PMS2: variants seen among roughly 807,000 people sequenced by gnomAD.
PMS2 encodes PMS1 homolog 2, mismatch repair system component.
Under a neutral mutation model 90.0 loss-of-function variants are expected in PMS2, and 69 were observed. The observed-to-expected ratio is 0.77, with a 90% CI of 0.63 to 0.94. The LOEUF (loss-of-function observed/expected upper bound fraction) is 0.94, where lower values mean the gene tolerates loss of function less well. Among genes scored for constraint, PMS2 ranks in the 40% least tolerant of loss-of-function variants. The pLI is 0.00. For missense variants in PMS2, 966 were observed against 1,040.2 expected, an observed-to-expected ratio of 0.93 and a Z score of 0.98; for synonymous variants, 332 against 375.1, an observed-to-expected ratio of 0.89 and a Z score of 1.33.
intron 5 of PMS2, among the ~76,000 whole-genome samples, chr7:6,000,451 A>G (rs1324891324): frequency 2.0e-5 from 3 of 151,784 alleles, no homozygotes; most frequent in East Asian, 3.8e-4. Context: ...TGTACATTCT[A>G]TATTACTTGC....
chr7:5,986,512 T>C (rs1171486684), intron 11 of PMS2, among the ~76,000 whole-genome samples: 3 of 152,050 alleles, frequency 2.0e-5, no homozygotes, highest in African/African-American at 7.2e-5. Context: ...GCCAACATGG[T>C]GAAACCCTGT....
intron 1 of PMS2, among the ~76,000 whole-genome samples, chr7:6,008,363 C>G (rs1196721769): frequency 6.6e-6 from 1 of 152,184 alleles, no homozygotes; most frequent in African/African-American, 2.4e-5. Context: ...ATCACACATC[C>G]TAACAGGTAG....
At chr7:5,978,831 G>C in intron 12 of PMS2, 135 bp from the exon 13 acceptor site, 1 of 1,131,852 alleles carries the variant, frequency 8.8e-7, no homozygotes, top group Non-Finnish European at 1.3e-6. Context: ...ACACTACTCA[G>C]CTAAGTGTCA....
intron 12 of PMS2, among the ~76,000 whole-genome samples, chr7:5,981,316 A>G (rs1207510647): frequency 2.0e-5 from 3 of 149,396 alleles, no homozygotes; most frequent in Non-Finnish European, 4.5e-5. Context: ...CAGTGGCACG[A>G]TCATGGCAGC....
At chr7:6,003,813 A>C in intron 3 of PMS2, 21 bp from the exon 4 acceptor site, 1 of 1,496,736 alleles carries the variant, frequency 6.7e-7, no homozygotes, top group Non-Finnish European at 9.3e-7. Flanking sequence ...GTGTAAAGTA[A>C]GGACTAAGAT....
chr7:5,979,626 G>C lies in PMS2; in HGVS notation c.2175-930C>G, dbSNP rs1329337065. On this transcript the variant is annotated intron_variant, in intron 12 of 14. Transcript: ENST00000265849. Reference sequence around the variant, plus strand: ...TGCTATCCTGTTCCTTCCTCTGCCTGTATTATATCTCCATCCCTCTCTCCT... The same window carrying C: ...TGCTATCCTGTTCCTTCCTCTGCCTCTATTATATCTCCATCCCTCTCTCCT... 1.4e-5 allele frequency among the ~76,000 whole-genome samples: 2 copies of C among 145,004 alleles called. 1 individual carries two copies. Among genetic ancestry groups the C allele is most frequent in the African/African-American group, 5.1e-5 (2 of 39,478 alleles).
intron 7 of PMS2, among the ~76,000 whole-genome samples, chr7:5,996,590 A>AAAAAT (rs56858711): frequency 0.028 from 3,118 of 109,502 alleles, 59 homozygotes; most frequent in Non-Finnish European, 0.039. Flanking sequence ...AAAAAAAAAA[A>AAAAAT]ATATATATAT....
chr7:5,989,454 G>A (rs1783468663), intron 10 of PMS2, among the ~76,000 whole-genome samples: 1 of 151,610 alleles, frequency 6.6e-6, no homozygotes, highest in Non-Finnish European at 1.5e-5. Flanking sequence ...ACATGACAAG[G>A]GAGTTAAAAA....
At position 5,982,944 on chromosome 7, in the gene PMS2, C is replaced by T. The variant is rs1554295923; in HGVS notation, c.2054G>A (p.Gly685Glu). The T allele has an allele frequency of 6.3e-7, 1 of 1,586,914 alleles. No homozygotes were observed. The highest frequency in any genetic ancestry group is 8.6e-7 in the Non-Finnish European group (1 of 1,162,362). ...CTCATTCAGTTTGGTTATTATAAAT[C>T]CCAGGTTAAACTGACCAATGATTTC... Reference protein sequence around the residue: ...EMEIIGQFNLGFIITKLNEDI... With the variant: ...EMEIIGQFNLEFIITKLNEDI... Residue 685 changes from glycine to glutamate, a missense_variant, in exon 12 of 15, where the codon GGA becomes GAA. Gly to Glu is a moderately conservative substitution (Grantham distance 98). This residue lies in a region of PMS2 where 95 missense variants were observed against 237.8 expected (regional missense o/e 0.40). Transcript: ENST00000265849.
chr7:5,993,092 T>C (rs1413546585), intron 8 of PMS2, among the ~76,000 whole-genome samples: 1 of 152,014 alleles, frequency 6.6e-6, no homozygotes, highest in African/African-American at 2.4e-5. Flanking sequence ...AAACAGGGGC[T>C]GGGAGCGGTG....
intron 11 of PMS2, among the ~76,000 whole-genome samples, chr7:5,985,983 G>A (rs879289722): frequency 2.1e-4 from 23 of 107,730 alleles, no homozygotes; most frequent in Non-Finnish European, 4.4e-4. Context: ...AACTCCTGCC[G>A]CACAGGAGGG....
At chr7:6,008,857 T>C in intron 1 of PMS2, 140 bp downstream of exon 1, 1 of 1,032,894 alleles carries the variant, frequency 9.7e-7, no homozygotes, top group Non-Finnish European at 1.5e-6. Flanking sequence ...AACACTGAGG[T>C]CGCCACTCCG....
At position 6,002,553 on chromosome 7, in the gene PMS2, T is replaced by C; in HGVS notation, c.437A>G (p.Lys146Arg). 1 of 1,611,912 alleles carries C rather than the reference T, an allele frequency of 6.2e-7. No homozygotes were observed. The highest frequency in any genetic ancestry group is 1.1e-5 in the South Asian group (1 of 90,980). The change falls in exon 5 of 15, where the codon AAA becomes AGA. Residue 146 changes from lysine (K) to arginine (R), a missense_variant. By Grantham distance (26) the Lys-to-Arg change is conservative. Around this residue, in one of 2 missense-constraint regions of PMS2, gnomAD observed 871 missense variants for 802.4 expected, o/e 1.09. Coordinates refer to ENST00000265849, the MANE Select transcript of PMS2 (RefSeq NM_000535.7). ...MFDHNGKIIQ[K>R]TPYPRPRGTT... ...CCCTCTGGGGCGGGGGTAGGGGGTT[T>C]TCTGGATAATTTTCCCATTGTGATC...
At chr7:6,002,218 A>G in intron 5 of PMS2, 1 of 426,540 alleles carries the variant, frequency 2.3e-6, no homozygotes, top group South Asian at 2.4e-5. Context: ...AATTTTTCAT[A>G]GAGACAGGGT....
chr7:5,995,296 C>T (rs986634883), intron 8 of PMS2, among the ~76,000 whole-genome samples: 1 of 152,184 alleles, frequency 6.6e-6, no homozygotes, highest in African/African-American at 2.4e-5. Context: ...CTCGGCCTCC[C>T]AAAGTGCTGG....
rs1784767633 is a variant in PMS2 at position 5,998,988 on chromosome 7, TCA to T, written c.705+118_705+119del. ...CTGGGCAGCAGTGCGAGACTCCCTC[TCA>T]AAAAAAAAAAAAAAATCAATTCTAA... On this transcript the variant is annotated intron_variant, in intron 6 of 14. Coordinates refer to ENST00000265849, the MANE Select transcript of PMS2 (RefSeq NM_000535.7). 7.6e-5 allele frequency: 70 copies of T among 922,254 alleles called. No individual in the cohort carries two copies. The African/African-American group carries it at 1.5e-3, about 20-fold the overall frequency. The allele number at this position is 922,254 out of a possible 1,614,324, so 57.1% of individuals were successfully genotyped here. A position where few individuals can be genotyped will look rare whatever the true frequency, so the allele number is the denominator to read the frequency against.
In PMS2 at chr7:5,983,355, C is replaced by T. The variant is rs1362465114; in HGVS notation, c.2007-364G>A. On this transcript the variant is annotated intron_variant, in intron 11 of 14. Transcript: ENST00000265849. ...CGAACTCCTGACCTCATGATCTGCCCGCCTTGGCCTCCCAAAGTGCTGGGA... is the reference window on the plus strand; with the variant it reads ...CGAACTCCTGACCTCATGATCTGCCTGCCTTGGCCTCCCAAAGTGCTGGGA... Among the ~76,000 whole-genome samples the T allele has an allele frequency of 4.9e-3, 731 of 148,520 alleles. 1 individual carries two copies. Among genetic ancestry groups the T allele is most frequent in the African/African-American group, 0.014 (528 of 38,932 alleles).
At chr7:5,994,501 C>T (rs1046272878) in intron 8 of PMS2, among the ~76,000 whole-genome samples, 12 of 152,054 alleles carry the variant, frequency 7.9e-5, no homozygotes, top group African/African-American at 1.4e-4. Context: ...CTGCTGGGCG[C>T]GGTGGCTCAC....
chr7:6,006,793 C>T (rs1785823890), intron 1 of PMS2, among the ~76,000 whole-genome samples: 1 of 152,146 alleles, frequency 6.6e-6, no homozygotes, highest in African/African-American at 2.4e-5. Context: ...ATACCCCACT[C>T]CAAACTGAAG....
Sources: allele counts gnomAD v4.1 joint callset (sites outside exome capture counted in the v4.1 genomes callset), GRCh38; gene constraint gnomAD v4.1.1; regional missense constraint gnomAD v4.1.1; transcripts MANE v1.5; gene names NCBI Gene and HGNC (gene_info 2026-07-23, HGNC 2026-07-21).